Variants in OPCML observed in about 807,000 individuals in gnomAD.
The protein encoded by OPCML is opioid binding protein/cell adhesion molecule like.
Under a neutral mutation model 37.8 loss-of-function variants are expected in OPCML, and 13 were observed. The observed-to-expected ratio is 0.34, with a 90% CI of 0.22 to 0.55. The LOEUF (loss-of-function observed/expected upper bound fraction) is 0.55. Among genes scored for constraint, OPCML ranks in the 20% least tolerant of loss-of-function variants. OPCML has a pLI of 0.91. For synonymous variants in OPCML, 176 were observed against 168.8 expected, an observed-to-expected ratio of 1.04 and a Z score of -0.33; for missense variants, 341 against 435.6, an observed-to-expected ratio of 0.78 and a Z score of 1.93.
intron 2 of OPCML, among the ~76,000 whole-genome samples, chr11:132,742,422 G>A (rs145549610): frequency 1.4e-3 from 216 of 152,270 alleles, no homozygotes; most frequent in African/African-American, 5.1e-3. Context: ...AATCATGCAA[G>A]CACATAGCCA....
intron 3 of OPCML, among the ~76,000 whole-genome samples, chr11:132,557,812 G>A (rs2096399263): frequency 1.1e-5 from 1 of 88,996 alleles, no homozygotes; most frequent in African/African-American, 5.2e-5. Flanking sequence ...CAAAATAGCA[G>A]GGGTGGATGG....
intron 2 of OPCML, among the ~76,000 whole-genome samples, chr11:132,831,954 C>A (rs1323609510): frequency 6.6e-6 from 1 of 151,932 alleles, no homozygotes; most frequent in Non-Finnish European, 1.5e-5. Flanking sequence ...GTCTCTGGGG[C>A]TCCAGCAACC....
intron 1 of OPCML, among the ~76,000 whole-genome samples, chr11:133,491,900 G>A (rs942275457): frequency 6.6e-6 from 1 of 152,196 alleles, no homozygotes; most frequent in Non-Finnish European, 1.5e-5. Context: ...CAGAACTCTT[G>A]TATTCTCACT....
At chr11:132,742,980 C>G (rs1162376927) in intron 2 of OPCML, among the ~76,000 whole-genome samples, 1 of 152,094 alleles carries the variant, frequency 6.6e-6, no homozygotes, top group South Asian at 2.1e-4. Context: ...AACATTTTCT[C>G]TAAATGTGTT....
At chr11:132,922,547 T>C (rs1370883011) in intron 2 of OPCML, among the ~76,000 whole-genome samples, 1 of 152,032 alleles carries the variant, frequency 6.6e-6, no homozygotes, top group African/African-American at 2.4e-5. Flanking sequence ...GCCTCTGTTC[T>C]GAGAAGGGTC....
chr11:132,559,015 T>A (rs1397208629), intron 3 of OPCML, among the ~76,000 whole-genome samples: 1 of 152,150 alleles, frequency 6.6e-6, no homozygotes, highest in Non-Finnish European at 1.5e-5. Flanking sequence ...TCAATTCAGT[T>A]CCAATCAGTG....
At chr11:133,384,247 C>CAAAAAAAAAAAAAA (rs1186998875) in intron 1 of OPCML, among the ~76,000 whole-genome samples, 2 of 71,242 alleles carry the variant, frequency 2.8e-5, no homozygotes, top group East Asian at 3.9e-4. Flanking sequence ...GGCCACTGTG[C>CAAAAAAAAAAAAAA]AAAAAAAAAA....
rs550064495 is a variant in OPCML, at chr11:132,774,394, G to GT, written c.147-117076dup. On this transcript the variant is annotated intron_variant, in intron 2 of 7. Coordinates refer to ENST00000524381, the MANE Select transcript of OPCML (RefSeq NM_001012393.5). ...GATACCCTACATCAACGTACAAAGT[G>GT]TTTTTTTTCATCGTACAGGCTCCGA... Among the ~76,000 whole-genome samples, 393 of 152,012 alleles carry GT rather than the reference G, an allele frequency of 2.6e-3. 8 individuals are homozygous for GT. Among genetic ancestry groups the GT allele is most frequent in the East Asian group, 5.8e-3 (30 of 5,162 alleles).
intron 2 of OPCML, among the ~76,000 whole-genome samples, chr11:132,915,484 C>T (rs1298835396): frequency 3.3e-5 from 5 of 152,158 alleles, no homozygotes; most frequent in Non-Finnish European, 7.4e-5. Flanking sequence ...GAAGTACATC[C>T]CAAGAGTTTT....
chr11:133,481,980 G>A (rs940197362), intron 1 of OPCML, among the ~76,000 whole-genome samples: 2 of 152,162 alleles, frequency 1.3e-5, no homozygotes, highest in Non-Finnish European at 2.9e-5. Flanking sequence ...ATGACAAGGA[G>A]TCTGTACTAA....
chr11:133,105,676 T>C (rs1280058771), intron 1 of OPCML, among the ~76,000 whole-genome samples: 1 of 152,094 alleles, frequency 6.6e-6, no homozygotes, highest in East Asian at 1.9e-4. Context: ...CAACTGAAAT[T>C]ATTGGGTTGC....
At chr11:133,477,935 G>T (rs1408193114) in intron 1 of OPCML, among the ~76,000 whole-genome samples, 1 of 152,190 alleles carries the variant, frequency 6.6e-6, no homozygotes, top group African/African-American at 2.4e-5. Context: ...TTTGAGGAAA[G>T]GGTGTATGTA....
At chr11:133,113,023 T>C (rs1296495273) in intron 1 of OPCML, among the ~76,000 whole-genome samples, 1 of 152,242 alleles carries the variant, frequency 6.6e-6, no homozygotes, top group Non-Finnish European at 1.5e-5. Context: ...ACAGAATATA[T>C]ATGCCCCTTT....
chr11:133,059,001 A>G (rs1364175727), intron 1 of OPCML, among the ~76,000 whole-genome samples: 2 of 152,218 alleles, frequency 1.3e-5, no homozygotes, highest in African/African-American at 4.8e-5. Flanking sequence ...TCTAAGCTTC[A>G]GGCTTATGGT....
At chr11:132,750,794 C>CTTTT (rs762942241) in intron 2 of OPCML, among the ~76,000 whole-genome samples, 15 of 144,284 alleles carry the variant, frequency 1.0e-4, no homozygotes, top group South Asian at 8.9e-4. Flanking sequence ...TAAAGAAAAC[C>CTTTT]TTTTTTTTTT....
intron 3 of OPCML, among the ~76,000 whole-genome samples, chr11:132,654,315 T>C (rs80070657): frequency 0.011 from 1,659 of 152,268 alleles, 22 homozygotes; most frequent in African/African-American, 0.026. Context: ...CCCAAGAGAA[T>C]GTCCTCCCGA....
chr11:132,895,998 T>C (rs12799692), intron 2 of OPCML, among the ~76,000 whole-genome samples: 27,754 of 151,982 alleles, frequency 0.18, 3,175 homozygotes, highest in Non-Finnish European at 0.26. Flanking sequence ...GGGAATATGG[T>C]GGAAGAAATA....
chr11:133,046,486 G>T (rs952909295), intron 1 of OPCML, among the ~76,000 whole-genome samples: 4 of 152,110 alleles, frequency 2.6e-5, no homozygotes, highest in African/African-American at 9.7e-5. Context: ...CCCTCCCCTT[G>T]TCCTCTGCTG....
chr11:133,131,073 C>T (rs1374684434), intron 1 of OPCML, among the ~76,000 whole-genome samples: 1 of 152,060 alleles, frequency 6.6e-6, no homozygotes, highest in Non-Finnish European at 1.5e-5. Flanking sequence ...AGTGTCCTTA[C>T]ACAAGGGACC....
Sources: gnomAD v4.1 joint callset for allele counts (sites outside exome capture counted in the v4.1 genomes callset) on GRCh38, gnomAD v4.1.1 for gene constraint, MANE v1.5 for transcripts, NCBI Gene and HGNC (gene_info 2026-07-23, HGNC 2026-07-21) for gene names.